The following OXR1 variants were observed in gnomAD, a reference collection of about 807,000 sequenced individuals.
OXR1 encodes the protein oxidation resistance protein 1.
In OXR1, 41 loss-of-function variants were observed where a neutral mutation model predicts 104.6. That is an observed-to-expected ratio of 0.39 (90% CI 0.31 to 0.51). The LOEUF is 0.51. OXR1 is among the 20% of genes least tolerant of loss of function. OXR1 has a pLI of 0.77. For synonymous variants in OXR1, 348 were observed against 348.4 expected, an observed-to-expected ratio of 1.00 and a Z score of 0.01; for missense variants, 955 against 1,031.9, an observed-to-expected ratio of 0.93 and a Z score of 1.02.
chr8:106,386,669 C>A (rs1257122889), intron 2 of OXR1, among the ~76,000 whole-genome samples: 1 of 152,114 alleles, frequency 6.6e-6, no homozygotes, highest in East Asian at 1.9e-4. Context: ...ATGGGAAGGG[C>A]ACTGGACCTT....
At chr8:106,293,640 G>C (rs907199841) in intron 1 of OXR1, among the ~76,000 whole-genome samples, 8 of 152,150 alleles carry the variant, frequency 5.3e-5, no homozygotes, top group Non-Finnish European at 7.3e-5. Flanking sequence ...ATGATTCTTG[G>C]AGGCTGGAAA....
chr8:106,430,208 T>C (rs1819304767), intron 2 of OXR1, among the ~76,000 whole-genome samples: 3 of 152,200 alleles, frequency 2.0e-5, no homozygotes, highest in Non-Finnish European at 1.5e-5. Context: ...TTATGTGTTA[T>C]GTAAACCAAT....
chr8:106,320,372 C>T (rs960130359), intron 1 of OXR1, among the ~76,000 whole-genome samples: 11 of 152,224 alleles, frequency 7.2e-5, no homozygotes, highest in South Asian at 6.2e-4. Context: ...TCTGGTTAGC[C>T]CACAGTGACA....
At chr8:106,652,805 A>T (rs1486314327) in intron 3 of OXR1, among the ~76,000 whole-genome samples, 1 of 151,832 alleles carries the variant, frequency 6.6e-6, no homozygotes, top group Admixed American at 6.6e-5. Context: ...AAATAGAAAA[A>T]CATTAGAGAA....
chr8:106,539,249 T>C (rs1338165789), intron 3 of OXR1, among the ~76,000 whole-genome samples: 1 of 152,246 alleles, frequency 6.6e-6, no homozygotes, highest in Non-Finnish European at 1.5e-5. Context: ...AGCCCAATTA[T>C]GCACTTAGTC....
intron 2 of OXR1, among the ~76,000 whole-genome samples, chr8:106,408,341 C>T (rs1818325212): frequency 6.6e-6 from 1 of 152,006 alleles, no homozygotes; most frequent in Admixed American, 6.6e-5. Flanking sequence ...TTTTTAAAAC[C>T]TAAAACTGTG....
chr8:106,375,119 T>C (rs1816856556), intron 2 of OXR1, among the ~76,000 whole-genome samples: 1 of 152,244 alleles, frequency 6.6e-6, no homozygotes, highest in Admixed American at 6.5e-5. Flanking sequence ...TATAGTATCA[T>C]TAAATTACAT....
At chr8:106,633,784 T>C (rs917359202) in intron 3 of OXR1, among the ~76,000 whole-genome samples, 1 of 152,214 alleles carries the variant, frequency 6.6e-6, no homozygotes. Flanking sequence ...CAATTCAGAA[T>C]GTACATTGCT....
At chr8:106,748,810 T>A (rs1450300384) in intron 16 of OXR1, among the ~76,000 whole-genome samples, 2 of 151,428 alleles carry the variant, frequency 1.3e-5, no homozygotes, top group Admixed American at 1.3e-4. Flanking sequence ...CCTCAGGGGA[T>A]CCACCAGCCT....
intron 2 of OXR1, among the ~76,000 whole-genome samples, chr8:106,376,269 A>C (rs34314804): frequency 7.0e-4 from 106 of 150,872 alleles, no homozygotes; most frequent in Middle Eastern, 3.4e-3. Context: ...TTTAACATCA[A>C]CCCTTTGGAG....
intron 2 of OXR1, among the ~76,000 whole-genome samples, chr8:106,494,808 AT>A (rs1811313804): frequency 6.6e-6 from 1 of 152,182 alleles, no homozygotes; most frequent in Non-Finnish European, 1.5e-5. Flanking sequence ...TCTGGTGCAC[AT>A]TTAAGTTTGA....
intron 3 of OXR1, among the ~76,000 whole-genome samples, chr8:106,586,324 A>C (rs977941512): frequency 6.6e-6 from 1 of 152,152 alleles, no homozygotes; most frequent in Non-Finnish European, 1.5e-5. Context: ...AAAGAAAGAA[A>C]AAAAAAGAGA....
At chr8:106,683,094 T>C (rs1279820724) in intron 4 of OXR1, 105 bp from the exon 5 acceptor site, 1 of 559,100 alleles carries the variant, frequency 1.8e-6, no homozygotes, top group African/African-American at 1.9e-5. Flanking sequence ...TACCAGTTGT[T>C]AATCAAATGT....
intron 2 of OXR1, among the ~76,000 whole-genome samples, chr8:106,407,901 A>G (rs1456945324): frequency 6.6e-6 from 1 of 152,188 alleles, no homozygotes; most frequent in Non-Finnish European, 1.5e-5. Context: ...AGCCTTCACT[A>G]GTGTACTCAG....
At chr8:106,323,912 G>A (rs918947423) in intron 1 of OXR1, among the ~76,000 whole-genome samples, 6 of 152,310 alleles carry the variant, frequency 3.9e-5, no homozygotes, top group Admixed American at 3.3e-4. Context: ...ACTGTTGGTG[G>A]TAGTGTAAAT....
chr8:106,706,624 A>T lies in OXR1; in HGVS notation c.1103A>T (p.Glu368Val), dbSNP rs779258799. The change falls in exon 9 of 17, where the codon GAA (glutamate) becomes GTA (valine). Residue 368 changes from glutamate to valine, a missense_variant. This residue lies in a region of OXR1 where 849 missense variants were observed against 852.9 expected (regional missense o/e 1.00). Transcript: ENST00000517566. ...RQDKSSGASSESVQTVNQAEV... is the reference protein window; with the variant it reads ...RQDKSSGASSVSVQTVNQAEV... Reference sequence around the variant, plus strand: ...GATAAATCTTCTGGTGCGTCATCAGAATCTGTGCAAACTGTCAATCAGGCT... The same window carrying T: ...GATAAATCTTCTGGTGCGTCATCAGTATCTGTGCAAACTGTCAATCAGGCT... 1.9e-6 allele frequency: 3 copies of T among 1,613,440 alleles called. No individual in the cohort carries two copies. The South Asian group carries it at 3.3e-5, about 18-fold the overall frequency.
intron 2 of OXR1, among the ~76,000 whole-genome samples, chr8:106,481,388 C>T (rs960171954): frequency 5.3e-5 from 8 of 151,976 alleles, no homozygotes; most frequent in African/African-American, 1.9e-4. Flanking sequence ...AAATATAAGA[C>T]AACCAGATAC....
intron 2 of OXR1, among the ~76,000 whole-genome samples, chr8:106,448,454 T>C (rs972566087): frequency 5.3e-5 from 8 of 152,016 alleles, no homozygotes; most frequent in Admixed American, 2.6e-4. Flanking sequence ...ATAATCATAA[T>C]TTGTATTCTC....
chr8:106,636,567 A>C (rs1239350497), intron 3 of OXR1, among the ~76,000 whole-genome samples: 1 of 152,172 alleles, frequency 6.6e-6, no homozygotes, highest in Non-Finnish European at 1.5e-5. Context: ...GATGCCATGT[A>C]TTTATAGAGT....
Sources: gnomAD v4.1 joint callset for allele counts (sites outside exome capture counted in the v4.1 genomes callset) on GRCh38, gnomAD v4.1.1 for gene constraint, gnomAD v4.1.1 regional missense constraint, MANE v1.5 for transcripts, NCBI Gene and HGNC (gene_info 2026-07-23, HGNC 2026-07-21) for gene names.